The following SPACA7 variants were observed in gnomAD, a reference collection of about 807,000 sequenced individuals.
SPACA7 encodes the protein sperm acrosome associated 7.
Under a neutral mutation model 26.3 loss-of-function variants are expected in SPACA7, and 19 were observed. That is an observed-to-expected ratio of 0.72 (90% CI 0.50 to 1.06). The LOEUF is 1.06. Among genes scored for constraint, SPACA7 ranks in the 50% least tolerant of loss-of-function variants. The pLI is 0.00. For missense variants in SPACA7, 211 were observed against 229.9 expected, an observed-to-expected ratio of 0.92 and a Z score of 0.53; for synonymous variants, 84 against 84.5, an observed-to-expected ratio of 0.99 and a Z score of 0.04.
At chr13:112,404,719 T>C (rs1000487800) in intron 5 of SPACA7, among the ~76,000 whole-genome samples, 1 of 152,198 alleles carries the variant, frequency 6.6e-6, no homozygotes. Context: ...TGAAGATCAG[T>C]TGGCTGTAAG....
rs565775794 is a variant in SPACA7, at chr13:112,391,089, GCTT to G, written c.95-1925_95-1923del. Among the ~76,000 whole-genome samples, 9 of 152,316 alleles carry G rather than the reference GCTT, an allele frequency of 5.9e-5. No individual in the cohort carries two copies. The South Asian group carries it at 1.9e-3, about 32-fold the overall frequency. On this transcript the variant is annotated intron_variant, in intron 1 of 6. Coordinates refer to ENST00000283550, the MANE Select transcript of SPACA7 (RefSeq NM_145248.5). ...TTTCGTTTCTTGTTTTCCAGAGCTGGCTTCTTCTTACTCCTTAGGAAAGCATTC... is the reference window on the plus strand; with the variant it reads ...TTTCGTTTCTTGTTTTCCAGAGCTGGCTTCTTACTCCTTAGGAAAGCATTC...
At chr13:112,401,186 T>G in intron 5 of SPACA7, 22 bp downstream of exon 5, 1 of 1,569,652 alleles carries the variant, frequency 6.4e-7, no homozygotes, top group East Asian at 2.2e-5. Context: ...CTGCCCACAC[T>G]GAGAGCTCTG....
At chr13:112,427,925 T>A (rs1034706474) in intron 5 of SPACA7, among the ~76,000 whole-genome samples, 14 of 152,182 alleles carry the variant, frequency 9.2e-5, no homozygotes, top group African/African-American at 3.1e-4. Flanking sequence ...TTTCTAAAAA[T>A]CCTATCAGTC....
At chr13:112,423,576 C>T (rs1160774212) in intron 5 of SPACA7, among the ~76,000 whole-genome samples, 2 of 151,930 alleles carry the variant, frequency 1.3e-5, no homozygotes, top group Non-Finnish European at 2.9e-5. Flanking sequence ...AACCAGAGAC[C>T]AGGAAACATA....
At chr13:112,407,952 T>G (rs1199531453) in intron 5 of SPACA7, among the ~76,000 whole-genome samples, 2 of 152,136 alleles carry the variant, frequency 1.3e-5, no homozygotes, top group African/African-American at 4.8e-5. Flanking sequence ...CTGATGAACA[T>G]TGATGCAAAA....
chr13:112,417,167 A>T (rs1403585774), intron 5 of SPACA7, among the ~76,000 whole-genome samples: 1 of 152,142 alleles, frequency 6.6e-6, no homozygotes, highest in Non-Finnish European at 1.5e-5. Context: ...AGACTCACCT[A>T]TTATTTTTCT....
At chr13:112,418,451 A>C (rs957169850) in intron 5 of SPACA7, among the ~76,000 whole-genome samples, 1 of 152,072 alleles carries the variant, frequency 6.6e-6, no homozygotes, top group Non-Finnish European at 1.5e-5. Context: ...ATAAAAAACC[A>C]TCTACCAGCA....
At position 112,434,483 on chromosome 13, in the gene SPACA7, A is replaced by G. The variant is rs1385418112; in HGVS notation, c.524-2A>G. 1.2e-6 allele frequency: 2 copies of G among 1,608,466 alleles called. No homozygotes were observed. Among genetic ancestry groups the G allele is most frequent in the Non-Finnish European group, 1.7e-6 (2 of 1,177,568 alleles). Reference sequence around the variant, plus strand: ...GTCTCAAAATCTCCTCTTTCCACACAGGAAACATTTTCCATAAAGAGCAGC... The same window carrying G: ...GTCTCAAAATCTCCTCTTTCCACACGGGAAACATTTTCCATAAAGAGCAGC... On this transcript the variant is annotated splice_acceptor_variant, in intron 6 of 6. Transcript: ENST00000283550. LOFTEE classifies it high-confidence loss of function.
In SPACA7 at chr13:112,400,098, G is replaced by GTGTA. The variant is rs1386208334; in HGVS notation, c.349+925_349+926insTGTA. ...GGACACAGAGCCAAACCATATCACT[G>GTGTA]GGACACACATGTAGGACATCTGTGG... is the stretch of plus-strand genomic sequence containing the variant. On this transcript the variant is annotated intron_variant, in intron 4 of 6. Transcript: ENST00000283550. Among the ~76,000 whole-genome samples the GTGTA allele has an allele frequency of 8.1e-3, 1,228 of 152,200 alleles. 15 individuals are homozygous for GTGTA. Among genetic ancestry groups the GTGTA allele is most frequent in the African/African-American group, 0.028 (1,157 of 41,526 alleles).
chr13:112,393,802 A>G (rs1885054258), intron 2 of SPACA7, among the ~76,000 whole-genome samples: 2 of 152,272 alleles, frequency 1.3e-5, no homozygotes, highest in South Asian at 2.1e-4. Flanking sequence ...CCTGGCCAAC[A>G]TGGTGAAACC....
At chr13:112,399,871 C>G (rs553816347) in intron 4 of SPACA7, among the ~76,000 whole-genome samples, 3 of 152,002 alleles carry the variant, frequency 2.0e-5, no homozygotes, top group African/African-American at 7.3e-5. Flanking sequence ...GGCAGAAGAC[C>G]CTAGAGGAAG....
At position 112,390,466 on chromosome 13, in the gene SPACA7, G is replaced by A. The variant is rs77865086; in HGVS notation, c.95-2555G>A. ...AAAAATGGCAGTGTTAGCACAATCCGAGAGCAGCATTTTTGGCCCTCTGTA... is the reference window on the plus strand; with the variant it reads ...AAAAATGGCAGTGTTAGCACAATCCAAGAGCAGCATTTTTGGCCCTCTGTA... On this transcript the variant is annotated intron_variant, in intron 1 of 6. Coordinates refer to ENST00000283550, the MANE Select transcript of SPACA7 (RefSeq NM_145248.5). Among the ~76,000 whole-genome samples, 798 of 147,934 alleles carry A rather than the reference G, an allele frequency of 5.4e-3. 6 individuals are homozygous for A. Among genetic ancestry groups the A allele is most frequent in the African/African-American group, 0.02 (761 of 37,494 alleles).
chr13:112,422,842 T>C (rs962719100), intron 5 of SPACA7, among the ~76,000 whole-genome samples: 9 of 152,352 alleles, frequency 5.9e-5, no homozygotes, highest in African/African-American at 2.2e-4. Context: ...TGATTTTCAG[T>C]GTGAAAATAA....
rs1877379190 is a variant in SPACA7, at chr13:112,433,402, C to T, written c.523+881C>T. Among the ~76,000 whole-genome samples the T allele has an allele frequency of 2.7e-5, 4 of 149,230 alleles. No individual in the cohort carries two copies. The South Asian group carries it at 6.6e-4, about 25-fold the overall frequency. The stretch of plus-strand genomic sequence containing the variant: ...ACCACGTGCCAGGCACTGTCCTAGG[C>T]TCTGGGGTTTCTACATAAAACAGAG... On this transcript the variant is annotated intron_variant, in intron 6 of 6. Coordinates refer to ENST00000283550, the MANE Select transcript of SPACA7 (RefSeq NM_145248.5).
At chr13:112,399,853 A>G (rs1885523797) in intron 4 of SPACA7, among the ~76,000 whole-genome samples, 1 of 152,204 alleles carries the variant, frequency 6.6e-6, no homozygotes, top group Admixed American at 6.5e-5. Flanking sequence ...CAGGAAACTT[A>G]CAATCATGGC....
At chr13:112,383,010 C>A (rs1038199298) in intron 1 of SPACA7, among the ~76,000 whole-genome samples, 1 of 44,318 alleles carries the variant, frequency 2.3e-5, no homozygotes. Flanking sequence ...GAGAGAAAGA[C>A]AGAAGGAAAG....
intron 5 of SPACA7, among the ~76,000 whole-genome samples, chr13:112,408,831 C>T (rs2138993347): frequency 6.6e-6 from 1 of 152,230 alleles, no homozygotes; most frequent in Non-Finnish European, 1.5e-5. Context: ...ATCAAGCTAC[C>T]AATGACTTTT....
chr13:112,425,365 G>A (rs868698782), intron 5 of SPACA7, among the ~76,000 whole-genome samples: 13 of 152,298 alleles, frequency 8.5e-5, no homozygotes, highest in South Asian at 6.2e-4. Flanking sequence ...CCATGAAGCC[G>A]ATACAACTGG....
intron 3 of SPACA7, 85 bp downstream of exon 3, chr13:112,398,223 A>G (rs546244535): frequency 1.1e-4 from 112 of 1,025,398 alleles, no homozygotes; most frequent in Non-Finnish European, 1.5e-4. Context: ...ACGTGACCCT[A>G]TAATTTGAGC....
Sources: gnomAD v4.1 joint callset for allele counts (sites outside exome capture counted in the v4.1 genomes callset) on GRCh38, gnomAD v4.1.1 for gene constraint, MANE v1.5 for transcripts, NCBI Gene and HGNC (gene_info 2026-07-23, HGNC 2026-07-21) for gene names.